The following MACROD2 variants were observed in gnomAD, a reference collection of about 807,000 sequenced individuals.
MACROD2 encodes the protein ADP-ribose glycohydrolase MACROD2.
Under a neutral mutation model 70.4 loss-of-function variants are expected in MACROD2, and 36 were observed. That is an observed-to-expected ratio of 0.51 (90% CI 0.39 to 0.68). MACROD2 has a LOEUF of 0.68. MACROD2 is among the 30% of genes least tolerant of loss of function. MACROD2 has a pLI of 0.00. For synonymous variants in MACROD2, 172 were observed against 178.8 expected (o/e 0.96, Z 0.30); for missense variants, 496 against 538.4 (o/e 0.92, Z 0.78).
At chr20:15,698,572 T>C (rs2050410260) in intron 8 of MACROD2, among the ~76,000 whole-genome samples, 1 of 152,210 alleles carries the variant, frequency 6.6e-6, no homozygotes. Context: ...CTTTTTGTGA[T>C]GAATTTCCCA....
At chr20:15,660,659 G>A (rs905881383) in intron 8 of MACROD2, among the ~76,000 whole-genome samples, 23 of 151,964 alleles carry the variant, frequency 1.5e-4, no homozygotes, top group African/African-American at 5.6e-4. Context: ...ACTTCCTGCT[G>A]GGAAAATAGA....
chr20:14,862,670 T>C (rs376384150), intron 5 of MACROD2, among the ~76,000 whole-genome samples: 1,671 of 51,760 alleles, frequency 0.032, 214 homozygotes, highest in Middle Eastern at 0.073. Flanking sequence ...TATATATAAA[T>C]ATATATAAAT....
intron 6 of MACROD2, among the ~76,000 whole-genome samples, chr20:15,260,175 C>T (rs978231321): frequency 4.6e-5 from 7 of 151,526 alleles, no homozygotes; most frequent in African/African-American, 1.7e-4. Context: ...TTAAAGTATA[C>T]AAATAATGAT....
intron 6 of MACROD2, among the ~76,000 whole-genome samples, chr20:15,266,383 A>T (rs1441821849): frequency 2.6e-5 from 4 of 152,220 alleles, no homozygotes; most frequent in African/African-American, 9.6e-5. Context: ...AAATAGTTCA[A>T]TTCAAGACAA....
In MACROD2 at chr20:14,243,171, A is replaced by G. The variant is rs143029253; in HGVS notation, c.271+157443A>G. Among the ~76,000 whole-genome samples, 19 of 152,336 alleles carry G rather than the reference A, an allele frequency of 1.2e-4. No homozygotes were observed. The East Asian group carries it at 3.5e-3, about 28-fold the overall frequency. On this transcript the variant is annotated intron_variant, in intron 3 of 17. Coordinates refer to ENST00000684519, the MANE Select transcript of MACROD2 (RefSeq NM_001351661.2). ...ATTGTGTTAACTGAGTTTTACATAC[A>G]GACTATAAACTGTCTGCTGAATCTA...
chr20:14,696,370 C>T (rs2071126741), intron 5 of MACROD2, among the ~76,000 whole-genome samples: 1 of 152,052 alleles, frequency 6.6e-6, no homozygotes, highest in African/African-American at 2.4e-5. Context: ...ATAAGAATTA[C>T]TGTTTCTATT....
intron 3 of MACROD2, among the ~76,000 whole-genome samples, chr20:14,237,301 CTT>C (rs796624881): frequency 2.0e-5 from 3 of 151,556 alleles, no homozygotes; most frequent in African/African-American, 7.2e-5. Context: ...TCTGATGATT[CTT>C]TTTTTTGTTA....
intron 3 of MACROD2, among the ~76,000 whole-genome samples, chr20:14,424,093 A>T (rs1021350989): frequency 1.3e-5 from 2 of 152,062 alleles, no homozygotes; most frequent in Non-Finnish European, 2.9e-5. Context: ...CTAAATTTTT[A>T]TATTGTCCCT....
At chr20:15,306,827 A>G (rs1455405338) in intron 6 of MACROD2, among the ~76,000 whole-genome samples, 2 of 152,170 alleles carry the variant, frequency 1.3e-5, no homozygotes, top group Non-Finnish European at 2.9e-5. Context: ...TTGTGTTGCT[A>G]TAAAGGAGTA....
intron 5 of MACROD2, among the ~76,000 whole-genome samples, chr20:15,010,459 C>T (rs1480662653): frequency 6.6e-6 from 1 of 152,108 alleles, no homozygotes; most frequent in East Asian, 1.9e-4. Flanking sequence ...GGTAGGCACT[C>T]CTAAAACAAA....
intron 6 of MACROD2, among the ~76,000 whole-genome samples, chr20:15,320,976 G>A (rs1245324135): frequency 2.0e-5 from 3 of 152,170 alleles, no homozygotes; most frequent in African/African-American, 7.2e-5. Context: ...CAACTCTTGA[G>A]GTATCGTACT....
intron 7 of MACROD2, among the ~76,000 whole-genome samples, chr20:15,484,956 G>T (rs80332060): frequency 6.6e-6 from 1 of 152,200 alleles, no homozygotes; most frequent in African/African-American, 2.4e-5. Flanking sequence ...ACAGCAGTTT[G>T]CTCTGTGACC....
At chr20:14,357,423 T>G (rs534760914) in intron 3 of MACROD2, among the ~76,000 whole-genome samples, 1 of 152,312 alleles carries the variant, frequency 6.6e-6, no homozygotes, top group Non-Finnish European at 1.5e-5. Context: ...AAAGATAAAC[T>G]TTTTTTGCAA....
At chr20:14,460,194 A>G (rs2084351925) in intron 3 of MACROD2, among the ~76,000 whole-genome samples, 1 of 152,080 alleles carries the variant, frequency 6.6e-6, no homozygotes, top group African/African-American at 2.4e-5. Context: ...ATACGTGTGC[A>G]TGTGTCTTTA....
chr20:15,888,212 C>G (rs1027226639), intron 10 of MACROD2, among the ~76,000 whole-genome samples: 1 of 152,068 alleles, frequency 6.6e-6, no homozygotes, highest in South Asian at 2.1e-4. Flanking sequence ...ACATAGAGCT[C>G]AAGGTAAAAT....
chr20:14,922,443 A>C (rs1164199121), intron 5 of MACROD2, among the ~76,000 whole-genome samples: 1 of 152,220 alleles, frequency 6.6e-6, no homozygotes, highest in Non-Finnish European at 1.5e-5. Context: ...TCTAGAACTC[A>C]GAAAGTTTGC....
intron 2 of MACROD2, among the ~76,000 whole-genome samples, chr20:14,060,883 AT>A (rs2053683673): frequency 6.6e-6 from 1 of 152,150 alleles, no homozygotes; most frequent in Admixed American, 6.5e-5. Flanking sequence ...TGATTCTAAT[AT>A]TTGAATTAGT....
At chr20:15,848,363 GGGA>G (rs2064257855) in intron 8 of MACROD2, among the ~76,000 whole-genome samples, 1 of 152,050 alleles carries the variant, frequency 6.6e-6, no homozygotes, top group African/African-American at 2.4e-5. Flanking sequence ...ACAAGCCAGG[GGGA>G]GGGGGGGGTC....
intron 4 of MACROD2, among the ~76,000 whole-genome samples, chr20:14,518,382 C>T (rs1372844490): frequency 6.6e-6 from 1 of 152,020 alleles, no homozygotes; most frequent in African/African-American, 2.4e-5. Context: ...TTTTTAGAGT[C>T]ATTTCATTAG....
Sources: gnomAD v4.1 joint callset for allele counts (sites outside exome capture counted in the v4.1 genomes callset) on GRCh38, gnomAD v4.1.1 for gene constraint, MANE v1.5 for transcripts, NCBI Gene and HGNC (gene_info 2026-07-23, HGNC 2026-07-21) for gene names.